The following CCDC85C variants were observed in gnomAD, a reference collection of about 807,000 sequenced individuals.
The protein encoded by CCDC85C is coiled-coil domain-containing protein 85C.
Under a neutral mutation model 38.3 loss-of-function variants are expected in CCDC85C, and 18 were observed. That is an observed-to-expected ratio of 0.47 (90% CI 0.33 to 0.70). The LOEUF (loss-of-function observed/expected upper bound fraction) is 0.70, where lower values mean the gene tolerates loss of function less well. CCDC85C is among the 30% of genes least tolerant of loss of function. CCDC85C has a pLI of 0.03. For missense variants in CCDC85C, 566 were observed against 621.2 expected, an observed-to-expected ratio of 0.91 and a Z score of 0.94; for synonymous variants, 264 against 293.8, an observed-to-expected ratio of 0.90 and a Z score of 1.04.
intron 1 of CCDC85C, among the ~76,000 whole-genome samples, chr14:99,595,405 C>T (rs556922036): frequency 6.6e-6 from 1 of 152,158 alleles, no homozygotes; most frequent in Non-Finnish European, 1.5e-5. Context: ...TGCCACCACA[C>T]CTGGTTAATT....
rs1896939460 is a variant in CCDC85C, at chr14:99,504,989, A to C, written c.*10257T>G. 6.6e-6 allele frequency: 1 copy of C among 152,252 alleles called. No homozygotes were observed. The highest frequency in any genetic ancestry group is 6.5e-5 in the Admixed American group (1 of 15,274). The allele number at this position is 152,252 out of a possible 1,614,324, so 9.4% of individuals were successfully genotyped here. A position where few individuals can be genotyped will look rare whatever the true frequency, so the allele number is the denominator to read the frequency against. On this transcript the variant is annotated 3_prime_UTR_variant, in exon 6 of 6. Transcript: ENST00000380243. ...GAGCAAAGGAATTGAGAATCAGGGGAAATGGAGAGGAGTCTTTCTGGAATG... is the reference window on the plus strand; with the variant it reads ...GAGCAAAGGAATTGAGAATCAGGGGCAATGGAGAGGAGTCTTTCTGGAATG...
chr14:99,539,884 T>C (rs1897677565), intron 1 of CCDC85C, among the ~76,000 whole-genome samples: 1 of 152,056 alleles, frequency 6.6e-6, no homozygotes. Flanking sequence ...CGGTGGCTCA[T>C]GCCTGTAATC....
In CCDC85C at chr14:99,543,685, A is replaced by G. The variant is rs114693993; in HGVS notation, c.794-7597T>C. On this transcript the variant is annotated intron_variant, in intron 1 of 5. Coordinates refer to ENST00000380243, the MANE Select transcript of CCDC85C (RefSeq NM_001144995.2). ...AAAGGCAGGGAGGTAGAGCCACAAC[A>G]GGTCCAGGTACACCTGTGCTGTGCC... Among the ~76,000 whole-genome samples, 976 of 152,262 alleles carry G rather than the reference A, an allele frequency of 6.4e-3. 6 individuals carry two copies. The highest frequency in any genetic ancestry group is 0.022 in the African/African-American group (897 of 41,524).
At chr14:99,542,417 C>T (rs947798354) in intron 1 of CCDC85C, among the ~76,000 whole-genome samples, 1 of 152,156 alleles carries the variant, frequency 6.6e-6, no homozygotes, top group African/African-American at 2.4e-5. Context: ...CAGAAAAACC[C>T]GTCCATAACC....
chr14:99,500,642 A>G lies in CCDC85C; in HGVS notation c.*14604T>C. Reference sequence around the variant, plus strand: ...AAAAGTCTGAGTGGGAGAGAAAGGAAGGAAAGGCAGTTGCTAAAATATAAC... The same window carrying G: ...AAAAGTCTGAGTGGGAGAGAAAGGAGGGAAAGGCAGTTGCTAAAATATAAC... On this transcript the variant is annotated 3_prime_UTR_variant, in exon 6 of 6. Transcript: ENST00000380243. 1 of 689,056 alleles carries G rather than the reference A, an allele frequency of 1.5e-6. No homozygotes were observed. The allele number at this position is 689,056 out of a possible 1,614,324, so 42.7% of individuals were successfully genotyped here. A position where few individuals can be genotyped will look rare whatever the true frequency, so the allele number is the denominator to read the frequency against.
rs201929846 is a variant in CCDC85C, at chr14:99,528,250, G to A, written c.868-6010C>T. 3.7e-4 allele frequency among the ~76,000 whole-genome samples: 56 copies of A among 152,270 alleles called. No individual in the cohort carries two copies. The East Asian group carries it at 7.3e-3, about 20-fold the overall frequency. On this transcript the variant is annotated intron_variant, in intron 2 of 5. Transcript: ENST00000380243. The stretch of plus-strand genomic sequence containing the variant: ...CAGCTTCTCGGGCGGCCGTAGGGGC[G>A]GGGCAGCTAGAAGGAAGGAGAACAG...
chr14:99,568,183 T>G (rs1421314168), intron 1 of CCDC85C, among the ~76,000 whole-genome samples: 3 of 150,982 alleles, frequency 2.0e-5, no homozygotes, highest in Non-Finnish European at 4.4e-5. Context: ...GGGAACAAAT[T>G]CATGGACAGC....
At chr14:99,524,272 T>C (rs1356511832) in intron 2 of CCDC85C, among the ~76,000 whole-genome samples, 3 of 152,120 alleles carry the variant, frequency 2.0e-5, no homozygotes, top group East Asian at 3.9e-4. Context: ...ACACCTGGGA[T>C]TGGAACAGCT....
At chr14:99,591,716 G>C (rs974642059) in intron 1 of CCDC85C, among the ~76,000 whole-genome samples, 1 of 150,704 alleles carries the variant, frequency 6.6e-6, no homozygotes, top group Middle Eastern at 3.4e-3. Flanking sequence ...TCAGGTGTCA[G>C]GTTTCTTGGT....
At chr14:99,594,904 T>C (rs1805886513) in intron 1 of CCDC85C, among the ~76,000 whole-genome samples, 1 of 152,182 alleles carries the variant, frequency 6.6e-6, no homozygotes, top group Admixed American at 6.5e-5. Context: ...CAGCAGGTGA[T>C]GTGTCTGCAT....
At chr14:99,546,415 C>T (rs115904204) in intron 1 of CCDC85C, among the ~76,000 whole-genome samples, 226 of 152,048 alleles carry the variant, frequency 1.5e-3, no homozygotes, top group African/African-American at 5.2e-3. Flanking sequence ...TCATCACAGC[C>T]AGCACTGGGA....
chr14:99,515,283 T>C lies in CCDC85C; in HGVS notation c.1223A>G (p.Gln408Arg). The C allele has an allele frequency of 1.9e-6, 3 of 1,550,934 alleles. No individual in the cohort carries two copies. The highest frequency in any genetic ancestry group is 2.6e-6 in the Non-Finnish European group (3 of 1,146,850). ...DAASSKPSIR[Q>R]HLSGNQFKGP... ...CTTGAACTGGTTCCCAGACAGGTGC[T>C]GCCGTATGGAGGGCTTGGAGCTGGC... The change falls in exon 6 of 6, where the codon CAG (glutamine) becomes CGG (arginine). Residue 408 changes from glutamine (Q) to arginine (R), a missense_variant. By Grantham distance (43) the Gln-to-Arg change is conservative. Transcript: ENST00000380243.
intron 2 of CCDC85C, among the ~76,000 whole-genome samples, chr14:99,534,286 C>T (rs1897549680): frequency 6.6e-6 from 1 of 151,456 alleles, no homozygotes; most frequent in Non-Finnish European, 1.5e-5. Flanking sequence ...ACCCGGGAGA[C>T]AGAGGGTTGT....
intron 1 of CCDC85C, among the ~76,000 whole-genome samples, chr14:99,554,671 G>T (rs1470036527): frequency 6.6e-6 from 1 of 152,224 alleles, no homozygotes; most frequent in East Asian, 1.9e-4. Context: ...CTCTTCTCGG[G>T]TTGCTCCAGC....
chr14:99,565,012 G>T (rs751251137), intron 1 of CCDC85C, among the ~76,000 whole-genome samples: 2 of 152,190 alleles, frequency 1.3e-5, no homozygotes, highest in Non-Finnish European at 2.9e-5. Flanking sequence ...AAGGAGAGGG[G>T]ACGCAGACCC....
At chr14:99,586,584 C>T (rs1014766729) in intron 1 of CCDC85C, among the ~76,000 whole-genome samples, 4 of 152,226 alleles carry the variant, frequency 2.6e-5, no homozygotes, top group African/African-American at 9.6e-5. Flanking sequence ...ACATTTACAA[C>T]ACTCAGGCAG....
At chr14:99,564,061 T>C (rs1241089905) in intron 1 of CCDC85C, among the ~76,000 whole-genome samples, 1 of 152,216 alleles carries the variant, frequency 6.6e-6, no homozygotes, top group East Asian at 1.9e-4. Flanking sequence ...GTGGGATTGC[T>C]GGTTGAAGGG....
chr14:99,510,028 G>T lies in CCDC85C; in HGVS notation c.*5218C>A. The stretch of plus-strand genomic sequence containing the variant: ...CAGGACATGGGGCATGGGCCCATGC[G>T]TTGGGCCACAGAGGAGGCGGGCAGC... On this transcript the variant is annotated 3_prime_UTR_variant, in exon 6 of 6. Coordinates refer to ENST00000380243, the MANE Select transcript of CCDC85C (RefSeq NM_001144995.2). The T allele has an allele frequency of 1.1e-6, 1 of 879,280 alleles. No homozygotes were observed. The allele number at this position is 879,280 out of a possible 1,614,324, so 54.5% of individuals were successfully genotyped here.
chr14:99,561,750 C>A (rs1343110547), intron 1 of CCDC85C, among the ~76,000 whole-genome samples: 3 of 152,182 alleles, frequency 2.0e-5, no homozygotes, highest in African/African-American at 7.2e-5. Context: ...GTGCCCAGCA[C>A]ACATGAAGCT....
Sources: allele counts gnomAD v4.1 joint callset (sites outside exome capture counted in the v4.1 genomes callset), GRCh38; gene constraint gnomAD v4.1.1; transcripts MANE v1.5; gene names NCBI Gene and HGNC (gene_info 2026-07-23, HGNC 2026-07-21).